SAMD4A: variants seen among roughly 807,000 people sequenced by gnomAD.
SAMD4A encodes the protein sterile alpha motif domain containing 4A.
A neutral mutation model predicts 81.3 loss-of-function variants in SAMD4A; 33 were observed. The ratio of observed to expected loss-of-function variants is 0.41; its 90% CI spans 0.31 to 0.54. The LOEUF (loss-of-function observed/expected upper bound fraction) is 0.54, where lower values mean the gene tolerates loss of function less well. Among genes scored for constraint, SAMD4A ranks in the 20% least tolerant of loss-of-function variants. The pLI is 0.37. For missense variants in SAMD4A, 854 were observed against 951.1 expected (o/e 0.90, Z 1.34); for synonymous variants, 389 against 382.1 (o/e 1.02, Z -0.21).
chr14:54,751,271 A>G (rs1594895535), intron 5 of SAMD4A, among the ~76,000 whole-genome samples, 180 bp from the exon 6 acceptor site: 1 of 152,276 alleles, frequency 6.6e-6, no homozygotes, highest in East Asian at 1.9e-4. Flanking sequence ...AATAATAATA[A>G]TATTTAGTAA....
intron 6 of SAMD4A, among the ~76,000 whole-genome samples, chr14:54,753,019 G>A (rs1021714811): frequency 3.3e-5 from 5 of 152,224 alleles, no homozygotes; most frequent in East Asian, 1.9e-4. Context: ...ATCACAGGGC[G>A]GTTTTTCTCC....
chr14:54,721,639 G>A (rs17127809), intron 3 of SAMD4A, among the ~76,000 whole-genome samples: 4,772 of 152,240 alleles, frequency 0.031, 239 homozygotes, highest in African/African-American at 0.11. Flanking sequence ...TGAAGATCAC[G>A]TTGCCACATG....
intron 2 of SAMD4A, among the ~76,000 whole-genome samples, chr14:54,584,303 G>T (rs1390375130): frequency 2.0e-5 from 3 of 152,192 alleles, no homozygotes; most frequent in Non-Finnish European, 2.9e-5. Context: ...GTTGAGGATG[G>T]AGTGTCTTGC....
intron 2 of SAMD4A, chr14:54,689,841 C>T (rs899870354): frequency 6.6e-6 from 1 of 152,166 alleles, no homozygotes; most frequent in African/African-American, 2.4e-5. Flanking sequence ...TGGTGAAGGC[C>T]AAGGGAGGGG....
At chr14:54,605,793 C>T (rs1006322729) in intron 2 of SAMD4A, among the ~76,000 whole-genome samples, 2 of 149,262 alleles carry the variant, frequency 1.3e-5, no homozygotes, top group South Asian at 4.2e-4. Flanking sequence ...TTAAACATGC[C>T]TATATATATA....
At chr14:54,740,124 C>T (rs181598645) in intron 4 of SAMD4A, among the ~76,000 whole-genome samples, 49 of 152,288 alleles carry the variant, frequency 3.2e-4, no homozygotes, top group African/African-American at 1.1e-3. Context: ...GAGCCAAGAT[C>T]GCGCCACTGC....
At chr14:54,566,103 C>T (rs936757851), upstream of SAMD4A, among the ~76,000 whole-genome samples, 143 of 151,600 alleles carry the variant, frequency 9.4e-4, no homozygotes, top group African/African-American at 3.1e-3. Flanking sequence ...CCGGCTCGGG[C>T]GGCTCAGTCC....
intron 5 of SAMD4A, 80 bp downstream of exon 5, chr14:54,749,004 G>C: frequency 2.1e-6 from 2 of 962,060 alleles, no homozygotes; most frequent in Admixed American, 4.1e-5. Context: ...ACCTTGTTTG[G>C]ACCCATACCT....
Position 54,784,560 on chromosome 14 carries a change from C to A in SAMD4A, c.2068C>A (p.Pro690Thr). Residue 690 changes from proline (P) to threonine (T), a missense_variant, in exon 12 of 13, where the codon CCT becomes ACT. Physicochemically the swap from Pro to Thr is conservative, Grantham distance 38. Coordinates refer to ENST00000554335, the MANE Select transcript of SAMD4A (RefSeq NM_015589.6). ...AGAATTCCAGCTTCCCGTGACCGAA[C>A]CTGACATCAACAACAGGCTGGAGTC... ...QPEFQLPVTEPDINNRLESLC... is the reference protein window; with the variant it reads ...QPEFQLPVTETDINNRLESLC... The A allele has an allele frequency of 6.2e-7, 1 of 1,614,180 alleles. No individual in the cohort carries two copies. Among genetic ancestry groups the A allele is most frequent in the Non-Finnish European group, 8.5e-7 (1 of 1,180,028 alleles).
intron 8 of SAMD4A, among the ~76,000 whole-genome samples, chr14:54,766,548 G>A (rs1157309707): frequency 1.3e-5 from 2 of 152,180 alleles, no homozygotes; most frequent in African/African-American, 2.4e-5. Context: ...AGACCTGAAA[G>A]GCAAGCGAGA....
At chr14:54,647,482 T>G (rs1338338997) in intron 2 of SAMD4A, among the ~76,000 whole-genome samples, 4 of 152,228 alleles carry the variant, frequency 2.6e-5, no homozygotes, top group Admixed American at 2.0e-4. Flanking sequence ...TTAAAGAGCT[T>G]TCTGTGCTTG....
At chr14:54,678,034 CAA>C (rs1188908576) in intron 2 of SAMD4A, among the ~76,000 whole-genome samples, 1 of 152,190 alleles carries the variant, frequency 6.6e-6, no homozygotes. Flanking sequence ...CAGATTTTAA[CAA>C]GAGAAAAGCA....
At chr14:54,678,434 TG>T (rs1363274221) in intron 2 of SAMD4A, among the ~76,000 whole-genome samples, 5 of 10,450 alleles carry the variant, frequency 4.8e-4, no homozygotes, top group East Asian at 1.9e-3. Flanking sequence ...AGTCACCATT[TG>T]TGTGTGTGTG....
At chr14:54,732,946 C>T (rs2037595146) in intron 3 of SAMD4A, among the ~76,000 whole-genome samples, 1 of 151,936 alleles carries the variant, frequency 6.6e-6, no homozygotes, top group Non-Finnish European at 1.5e-5. Flanking sequence ...CAAAGTTGGT[C>T]AAAGGAAATG....
intron 3 of SAMD4A, among the ~76,000 whole-genome samples, chr14:54,717,909 C>A (rs531878304): frequency 1.5e-5 from 2 of 137,702 alleles, no homozygotes; most frequent in African/African-American, 5.5e-5. Flanking sequence ...TTTGCTCAAT[C>A]TATGAGATTT....
At chr14:54,786,408 C>T (rs550791874) in intron 12 of SAMD4A, among the ~76,000 whole-genome samples, 2 of 152,182 alleles carry the variant, frequency 1.3e-5, no homozygotes, top group Non-Finnish European at 2.9e-5. Flanking sequence ...TACTAAAAAC[C>T]ACTGAATTGT....
At position 54,760,147 on chromosome 14, in the gene SAMD4A, C is replaced by A; in HGVS notation, c.1177-14C>A. 1.2e-6 allele frequency: 2 copies of A among 1,606,354 alleles called. No homozygotes were observed. Among genetic ancestry groups the A allele is most frequent in the Non-Finnish European group, 1.7e-6 (2 of 1,177,502 alleles). On this transcript the variant is annotated splice_polypyrimidine_tract_variant and intron_variant, in intron 6 of 12. Coordinates refer to ENST00000554335, the MANE Select transcript of SAMD4A (RefSeq NM_015589.6). ...CCTGAGCCTAACAGAGGTCTTCCTG[C>A]TCTCACCGTCCAGGACATCATCGAG... is the stretch of plus-strand genomic sequence containing the variant.
intron 2 of SAMD4A, among the ~76,000 whole-genome samples, chr14:54,596,477 C>T (rs1398623304): frequency 6.6e-6 from 1 of 152,054 alleles, no homozygotes; most frequent in Non-Finnish European, 1.5e-5. Context: ...CCCAGCTACT[C>T]GGGAAGCTGA....
rs1303000385 is a variant in SAMD4A at position 54,790,304 on chromosome 14, G to A, written c.*1360G>A. The A allele has an allele frequency of 1.3e-5, 2 of 152,382 alleles. No individual in the cohort carries two copies. Among genetic ancestry groups the A allele is most frequent in the Non-Finnish European group, 2.9e-5 (2 of 68,144 alleles). 9.4% of individuals were successfully genotyped at this position (152,382 alleles called of 1,614,324 possible). ...ACACCGCACAGCCCCGCCATCTCCA[G>A]TGGGCGATGAAAGATGTAGGAAAGG... On this transcript the variant is annotated 3_prime_UTR_variant, in exon 13 of 13. Coordinates refer to ENST00000554335, the MANE Select transcript of SAMD4A (RefSeq NM_015589.6).
Sources: gnomAD v4.1 joint callset for allele counts (sites outside exome capture counted in the v4.1 genomes callset) on GRCh38, gnomAD v4.1.1 for gene constraint, MANE v1.5 for transcripts, NCBI Gene and HGNC (gene_info 2026-07-23, HGNC 2026-07-21) for gene names.